The following PLEC variants were observed in gnomAD, a reference collection of about 807,000 sequenced individuals.
PLEC encodes hemidesmosomal protein 1.
Under a neutral mutation model 392.8 loss-of-function variants are expected in PLEC, and 216 were observed. The observed-to-expected ratio is 0.55, with a 90% CI of 0.49 to 0.62. The LOEUF is 0.62. Among genes scored for constraint, PLEC ranks in the 20% least tolerant of loss-of-function variants. The pLI, the probability that PLEC is intolerant of heterozygous loss-of-function variation, is 0.00. For synonymous variants in PLEC, 3,621 were observed against 2,980.6 expected (o/e 1.21, Z -7.00); for missense variants, 6,863 against 6,563.4 (o/e 1.05, Z -1.58).
chr8:143,958,744 C>G (rs2132844400), upstream of PLEC: 1 of 406,474 alleles, frequency 2.5e-6, no homozygotes, highest in South Asian at 1.6e-5. This position sits in a 1 kb window ranked among gnomAD's most constrained non-coding sequence, Gnocchi z 4.9. Context: ...GGAGAGGCTT[C>G]TCACCTGATC....
Position 143,931,992 on chromosome 8 carries a change from A to G in PLEC, c.2123T>C (p.Leu708Pro). The change falls in exon 18 of 32, where the codon CTA becomes CCA. Residue 708 changes from leucine (L) to proline (P), a missense_variant. Transcript: ENST00000345136. ...AALQTQWSWM[L>P]QLCCCIEAHL... is the part of the protein sequence containing the mutation. ...TGCCTCGATACAGCAGCACAGCTGT[A>G]GCATCCAGCTCCACTGCGTCTGCAG... The G allele has an allele frequency of 1.2e-6, 2 of 1,607,886 alleles. No individual in the cohort carries two copies. The highest frequency in any genetic ancestry group is 1.7e-6 in the Non-Finnish European group (2 of 1,178,476).
upstream of PLEC, chr8:143,958,700 T>A (rs1554739938): frequency 1.1e-5 from 5 of 451,854 alleles, no homozygotes; most frequent in Admixed American, 9.4e-5. This position sits in a 1 kb window ranked among gnomAD's most constrained non-coding sequence, Gnocchi z 4.9. Flanking sequence ...GCACCTGCTC[T>A]GCTGCAGCAG....
chr8:143,931,511 C>A (rs1554715189), intron 19 of PLEC, 23 bp downstream of exon 19: 1 of 1,555,618 alleles, frequency 6.4e-7, no homozygotes, highest in Non-Finnish European at 8.7e-7. Flanking sequence ...TCCTGACACG[C>A]CCCTGCACAC....
chr8:143,962,263 A>C (rs1200838074), intron 1 of PLEC, among the ~76,000 whole-genome samples: 1 of 152,258 alleles, frequency 6.6e-6, no homozygotes, highest in South Asian at 2.1e-4. Flanking sequence ...AGGGATTGGC[A>C]TGATGCAGCC....
intron 16 of PLEC, 76 bp from the exon 17 acceptor site, chr8:143,932,310 G>C (rs1175395506): frequency 3.7e-6 from 6 of 1,607,170 alleles, no homozygotes; most frequent in Admixed American, 1.7e-5. Flanking sequence ...ACTCGACCCA[G>C]GGCCCCCACT....
At chr8:143,951,195 G>C (rs1035758948), upstream of PLEC, among the ~76,000 whole-genome samples, 1 of 152,194 alleles carries the variant, frequency 6.6e-6, no homozygotes, top group African/African-American at 2.4e-5. Context: ...GTCTAAAGAA[G>C]AGGGTGGCAG....
rs782618396 is a variant in PLEC, at chr8:143,922,709, C to A, written c.7220G>T (p.Arg2407Leu). The A allele has an allele frequency of 1.9e-6, 3 of 1,612,268 alleles. No homozygotes were observed. Among genetic ancestry groups the A allele is most frequent in the Non-Finnish European group, 2.5e-6 (3 of 1,179,814 alleles). Residue 2407 changes from arginine to leucine, a missense_variant, in exon 31 of 32, where the codon CGG (arginine) becomes CTG (leucine). Transcript: ENST00000345136. Reference protein sequence around the residue: ...ARAEEDAQRFRKQAEEIGEKL... With the variant: ...ARAEEDAQRFLKQAEEIGEKL... ...CTCACCGATCTCCTCCGCCTGCTTC[C>A]GGAAGCGCTGGGCGTCCTCCTCAGC...
intron 30 of PLEC, among the ~76,000 whole-genome samples, chr8:143,926,528 G>C (rs1166122546): frequency 6.6e-6 from 1 of 152,126 alleles, no homozygotes; most frequent in African/African-American, 2.4e-5. Context: ...AGGCTGCAGG[G>C]GGGACGCTCA....
chr8:143,920,861 A>G lies in PLEC; in HGVS notation c.8960T>C (p.Leu2987Pro). 1 of 1,610,112 alleles carries G rather than the reference A, an allele frequency of 6.2e-7. No homozygotes were observed. Among genetic ancestry groups the G allele is most frequent in the Non-Finnish European group, 8.5e-7 (1 of 1,179,882 alleles). ...CTCGCGGTCGATGACCCTGCTCTCC[A>G]GCAGCTCGGCGGCTGGCACCAGGCT... ...LRSLVPAAEL[L>P]ESRVIDRELY... is the part of the protein sequence containing the mutation. Residue 2987 changes from leucine to proline, a missense_variant, in exon 32 of 32, where the codon CTG becomes CCG. Physicochemically the swap from Leu to Pro is moderately conservative, Grantham distance 98 (BLOSUM62 -3). Coordinates refer to ENST00000345136, the MANE Select transcript of PLEC (RefSeq NM_201384.3).
Position 143,921,594 on chromosome 8 carries a change from C to A in PLEC, c.8227G>T (p.Val2743Leu), listed in dbSNP as rs781889659. 6.2e-7 allele frequency: 1 copy of A among 1,612,658 alleles called. No individual in the cohort carries two copies. The highest frequency in any genetic ancestry group is 1.1e-5 in the South Asian group (1 of 91,046). Residue 2743 changes from valine to leucine, a missense_variant, in exon 32 of 32, where the codon GTG (valine) becomes TTG (leucine). Physicochemically the swap from Val to Leu is conservative, Grantham distance 32. Coordinates refer to ENST00000345136, the MANE Select transcript of PLEC (RefSeq NM_201384.3). ...TTGACGGTCAGCCGCCGGTTCCGCA[C>A]AGGGTCCAGCAGGAAGCCTGAGGCC... ...QAASGFLLDP[V>L]RNRRLTVNEA...
intron 30 of PLEC, 72 bp downstream of exon 30, chr8:143,926,712 T>A: frequency 3.1e-6 from 4 of 1,276,790 alleles, no homozygotes; most frequent in Non-Finnish European, 4.6e-6. Flanking sequence ...AGGCAGCTCC[T>A]GTGGCTGTGT....
rs1554680820 is a variant in PLEC at position 143,920,161 on chromosome 8, C to A, written c.9660G>T (p.Arg3220=). ...LPLSEKAARA[R]QEELYSELQA... is the part of the protein sequence containing the mutation. Reference sequence around the variant, plus strand: ...GCAGCTCTGAGTAGAGCTCCTCCTGCCGGGCCCGAGCAGCCTTTTCTGAGA... The same window carrying A: ...GCAGCTCTGAGTAGAGCTCCTCCTGACGGGCCCGAGCAGCCTTTTCTGAGA... The change falls in exon 32 of 32, where the codon CGG becomes CGT. Residue 3220 remains arginine, a synonymous_variant. Coordinates refer to ENST00000345136, the MANE Select transcript of PLEC (RefSeq NM_201384.3). The A allele has an allele frequency of 6.2e-7, 1 of 1,612,590 alleles. No individual in the cohort carries two copies. Among genetic ancestry groups the A allele is most frequent in the Admixed American group, 1.7e-5 (1 of 60,032 alleles).
rs202140254 is a variant in PLEC, at chr8:143,916,957, C to T, written c.12864G>A (p.Thr4288=). 65 of 1,612,850 alleles carry T rather than the reference C, an allele frequency of 4.0e-5. No individual in the cohort carries two copies. The highest frequency in any genetic ancestry group is 4.0e-4 in the East Asian group (18 of 44,874). The change falls in exon 32 of 32, where the codon ACG becomes ACA. Residue 4288 remains threonine, a synonymous_variant. Coordinates refer to ENST00000345136, the MANE Select transcript of PLEC (RefSeq NM_201384.3). ...GPVAGILDTE[T]LEKVSITEAM... ...CCTCGGTGATGGACACCTTCTCCAG[C>T]GTCTCCGTGTCCAGGATGCCAGCCA...
Position 143,931,539 on chromosome 8 carries a change from C to T in PLEC, c.2299G>A (p.Ala767Thr), listed in dbSNP as rs782790437. The T allele has an allele frequency of 2.5e-6, 4 of 1,589,384 alleles. No homozygotes were observed. The highest frequency in any genetic ancestry group is 3.4e-6 in the Non-Finnish European group (4 of 1,168,030). ...CTGCACACCCCCTCCCTCACCTGGGCATCCTGCAGCAGGTCCTCCAGCCGG... is the reference window on the plus strand; with the variant it reads ...CTGCACACCCCCTCCCTCACCTGGGTATCCTGCAGCAGGTCCTCCAGCCGG... ...VTRLEDLLQDAQDEKEQLNEY... is the reference protein window; with the variant it reads ...VTRLEDLLQDTQDEKEQLNEY... Residue 767 changes from alanine (A) to threonine (T), a missense_variant, in exon 19 of 32, where the codon GCC (alanine) becomes ACC (threonine). By Grantham distance (58) the Ala-to-Thr change is moderately conservative. Coordinates refer to ENST00000345136, the MANE Select transcript of PLEC (RefSeq NM_201384.3).
At chr8:143,950,281 C>T (rs1554735110) in exon 1 of PLEC, 1 of 1,570,614 alleles carries the variant, frequency 6.4e-7, no homozygotes, top group East Asian at 2.3e-5. Flanking sequence ...CAAGCTCCTT[C>T]CGACGGTAGA....
chr8:143,945,271 A>G (rs1161220455), intron 1 of PLEC: 2 of 483,352 alleles, frequency 4.1e-6, no homozygotes, highest in Non-Finnish European at 8.4e-6. Flanking sequence ...CCCACAGCAC[A>G]GCCTCTCCTG....
At position 143,922,387 on chromosome 8, in the gene PLEC, C is replaced by T. The variant is rs782466134; in HGVS notation, c.7434G>A (p.Thr2478=). The T allele has an allele frequency of 1.6e-5, 25 of 1,601,924 alleles. No homozygotes were observed. Among genetic ancestry groups the T allele is most frequent in the African/African-American group, 2.7e-5 (2 of 74,926 alleles). ...CCTGCAGCAGCTGCTCCTGCTGCAC[C>T]GTCTGCATCTGCAGAAGAAGAGGGT... ...LLQLKSEEMQ[T]VQQEQLLQET... Residue 2478 remains threonine (T), a synonymous_variant, in exon 32 of 32, where the codon ACG becomes ACA. Transcript: ENST00000345136.
intron 27 of PLEC, 25 bp from the exon 28 acceptor site, chr8:143,927,360 G>C (rs781930858): frequency 2.7e-5 from 44 of 1,611,516 alleles, no homozygotes; most frequent in Non-Finnish European, 3.7e-5. Flanking sequence ...GGTCAGAGCC[G>C]TGGCCGCAGG....
At position 143,969,737 on chromosome 8, in the gene PLEC, G is replaced by A. The variant is rs1014725978; in HGVS notation, c.70+3666C>T. On this transcript the variant is annotated intron_variant, in intron 1 of 31. Coordinates refer to the PLEC transcript ENST00000356346. The surrounding 1 kb of genome is among the most constrained non-coding windows in gnomAD (Gnocchi z 5.1). Reference sequence around the variant, plus strand: ...CGGGGAGTGGGGAGTGGGGCCAGCCGGGGGCCTGGGCAGCTGGGGATAGAG... The same window carrying A: ...CGGGGAGTGGGGAGTGGGGCCAGCCAGGGGCCTGGGCAGCTGGGGATAGAG... Among the ~76,000 whole-genome samples the A allele has an allele frequency of 1.3e-4, 20 of 152,212 alleles. No homozygotes were observed. The highest frequency in any genetic ancestry group is 3.1e-4 in the African/African-American group (13 of 41,520).
Sources: gnomAD v4.1 joint callset for allele counts (sites outside exome capture counted in the v4.1 genomes callset) on GRCh38, gnomAD v4.1.1 for gene constraint, Gnocchi (gnomAD v3.1) non-coding constraint, MANE v1.5 for transcripts, NCBI Gene and HGNC (gene_info 2026-07-23, HGNC 2026-07-21) for gene names.